DCLRE1C: variants seen among roughly 807,000 people sequenced by gnomAD.
DCLRE1C encodes DNA cross-link repair 1C.
A neutral mutation model predicts 61.4 loss-of-function variants in DCLRE1C; 47 were observed. The observed-to-expected ratio is 0.77, with a 90% CI of 0.61 to 0.98. The LOEUF (loss-of-function observed/expected upper bound fraction) is 0.98. Among genes scored for constraint, DCLRE1C ranks in the 50% least tolerant of loss-of-function variants. DCLRE1C has a pLI of 0.00. For synonymous variants in DCLRE1C, 337 were observed against 287.6 expected (o/e 1.17, Z -1.74); for missense variants, 858 against 816.0 (o/e 1.05, Z -0.63).
At chr10:14,930,995 G>A (rs180757582) in intron 9 of DCLRE1C, among the ~76,000 whole-genome samples, 1 of 152,218 alleles carries the variant, frequency 6.6e-6, no homozygotes, top group African/African-American at 2.4e-5. Flanking sequence ...GTAAGGGCTA[G>A]GCAACTAGGC....
intron 13 of DCLRE1C, among the ~76,000 whole-genome samples, chr10:14,917,499 C>A (rs1395466712): frequency 3.7e-4 from 54 of 145,070 alleles, no homozygotes; most frequent in African/African-American, 1.0e-3. Flanking sequence ...AAAAAAAAAA[C>A]AAAAAAAACT....
chr10:14,901,545 CTTT>C (rs761960859), downstream of DCLRE1C, among the ~76,000 whole-genome samples: 1 of 147,338 alleles, frequency 6.8e-6, no homozygotes. Flanking sequence ...TACTACTTGT[CTTT>C]TTTTTTTTTT....
chr10:14,914,244 C>A (rs774106580), intron 13 of DCLRE1C, among the ~76,000 whole-genome samples: 4 of 152,130 alleles, frequency 2.6e-5, no homozygotes, highest in Non-Finnish European at 5.9e-5. Context: ...TCAAATGGCT[C>A]TAGTAGATTG....
At position 14,909,212 on chromosome 10, in the gene DCLRE1C, C is replaced by T. The variant is rs1199476215; in HGVS notation, c.1275G>A (p.Gln425=). 3.1e-6 allele frequency: 5 copies of T among 1,613,964 alleles called. No homozygotes were observed. In the African/African-American group the frequency reaches 5.3e-5, roughly 17 times the overall value. Residue 425 remains glutamine, a synonymous_variant, in exon 14 of 14, where the codon CAG becomes CAA. Transcript: ENST00000378278. The stretch of plus-strand genomic sequence containing the variant: ...CTGGGGTTTGTCTCAGTTTTTCAGG[C>T]TGCTTTTCTGATACTGCAGTCATTG... ...VFSMTAVSEK[Q]PEKLRQTPGC...
intron 5 of DCLRE1C, 68 bp from the exon 6 acceptor site, chr10:14,935,632 G>A (rs990761787): frequency 6.4e-6 from 9 of 1,413,266 alleles, no homozygotes; most frequent in African/African-American, 2.8e-5. Context: ...AAATACATGT[G>A]AGCTGCATAC....
At chr10:14,924,675 C>T (rs939162172) in intron 11 of DCLRE1C, among the ~76,000 whole-genome samples, 3 of 151,808 alleles carry the variant, frequency 2.0e-5, no homozygotes, top group South Asian at 2.1e-4. Flanking sequence ...GGTGAAACCC[C>T]GTCTCTACTA....
Position 14,945,187 on chromosome 10 carries a change from A to G in DCLRE1C, c.164T>C (p.Leu55Ser). Reference sequence around the variant, plus strand: ...AGGTGAACAGTATAGATAAACCTTCAAGCTGAAAGGAAAAAAGAAAAAAAC... The same window carrying G: ...AGGTGAACAGTATAGATAAACCTTCGAGCTGAAAGGAAAAAAGAAAAAAAC... ...PTLKRRLECS[L>S]KVYLYCSPVT... The change falls in exon 3 of 14, where the codon TTG becomes TCG. Residue 55 changes from leucine to serine, a missense_variant and splice_region_variant. By Grantham distance (145) the Leu-to-Ser change is moderately radical (BLOSUM62 -2). Transcript: ENST00000378278. 6.2e-7 allele frequency: 1 copy of G among 1,612,066 alleles called. No homozygotes were observed. The highest frequency in any genetic ancestry group is 8.5e-7 in the Non-Finnish European group (1 of 1,179,094).
rs774772480 is a variant in DCLRE1C at position 14,928,018 on chromosome 10, C to T, written c.915G>A (p.Val305=). The change falls in exon 10 of 14, where the codon GTG becomes GTA. Residue 305 remains valine (V), a splice_region_variant and synonymous_variant. Coordinates refer to ENST00000378278, the MANE Select transcript of DCLRE1C (RefSeq NM_001033855.3). The part of the protein sequence containing the change: ...GERSRKTNVI[V]RTGESSYRAC... ...GACCTATGATATTGCTCTCTTACCT[C>T]ACAATTACATTTGTTTTTCTGCTCC... The T allele has an allele frequency of 9.3e-5, 150 of 1,613,622 alleles. 1 individual carries two copies. The highest frequency in any genetic ancestry group is 1.1e-4 in the Non-Finnish European group (132 of 1,179,844).
chr10:14,923,314 C>G (rs1837432932), intron 11 of DCLRE1C: 1 of 470,362 alleles, frequency 2.1e-6, no homozygotes, highest in African/African-American at 2.0e-5. Context: ...TTAAATATTC[C>G]CCAGGTGATT....
intron 13 of DCLRE1C, among the ~76,000 whole-genome samples, chr10:14,912,824 G>T (rs1404281735): frequency 6.6e-6 from 1 of 152,134 alleles, no homozygotes; most frequent in African/African-American, 2.4e-5. Context: ...TGGGACTACA[G>T]GTGCCCGCCA....
chr10:14,947,047 A>T (rs141307779), intron 2 of DCLRE1C, among the ~76,000 whole-genome samples: 4 of 151,554 alleles, frequency 2.6e-5, no homozygotes, highest in African/African-American at 4.9e-5. Flanking sequence ...CCCCATCTCT[A>T]CTGAAAAATA....
rs962805345 is a variant in DCLRE1C at position 14,905,092 on chromosome 10, T to C, written c.*3316A>G. On this transcript the variant is annotated 3_prime_UTR_variant, in exon 14 of 14. Transcript: ENST00000378278. ...GTTTTACAGTCATTTCCAGTAAGACTATAAAAGGGGCAGAAAAATACTGAT... is the reference window on the plus strand; with the variant it reads ...GTTTTACAGTCATTTCCAGTAAGACCATAAAAGGGGCAGAAAAATACTGAT... Among the ~76,000 whole-genome samples the C allele has an allele frequency of 3.3e-5, 5 of 152,222 alleles. No homozygotes were observed. The highest frequency in any genetic ancestry group is 6.5e-5 in the Admixed American group (1 of 15,284).
rs1436467191 is a variant in DCLRE1C at position 14,923,299 on chromosome 10, T to C, written c.973-230A>G. 1.0e-5 allele frequency: 5 copies of C among 502,434 alleles called. No individual in the cohort carries two copies. In the East Asian group the frequency reaches 1.8e-4, roughly 18 times the overall value. The allele number at this position is 502,434 out of a possible 1,614,324, so 31.1% of individuals were successfully genotyped here. On this transcript the variant is annotated intron_variant, in intron 11 of 13. Coordinates refer to ENST00000378278, the MANE Select transcript of DCLRE1C (RefSeq NM_001033855.3). ...GAGTACTAGTGGGCCTAGAAATCAG[T>C]ACATTTAAATATTCCCCAGGTGATT...
At chr10:14,943,102 G>C (rs371434971) in intron 3 of DCLRE1C, among the ~76,000 whole-genome samples, 2 of 152,198 alleles carry the variant, frequency 1.3e-5, no homozygotes, top group East Asian at 3.9e-4. Context: ...GCTCCAGCCT[G>C]TGACAGAGTG....
In DCLRE1C at chr10:14,918,859, G is replaced by C. The variant is rs180754287; in HGVS notation, c.1156+879C>G. Reference sequence around the variant, plus strand: ...TAGATTCTCCATGAGCAGAAATGCAGAAGCAGAGATGAGACAGGCCTAGAT... The same window carrying C: ...TAGATTCTCCATGAGCAGAAATGCACAAGCAGAGATGAGACAGGCCTAGAT... On this transcript the variant is annotated intron_variant, in intron 13 of 13. Transcript: ENST00000378278. Among the ~76,000 whole-genome samples the C allele has an allele frequency of 2.4e-4, 36 of 152,276 alleles. No individual in the cohort carries two copies. In the East Asian group the frequency reaches 4.8e-3, roughly 20 times the overall value.
At chr10:14,912,553 A>C (rs1006398546) in intron 13 of DCLRE1C, among the ~76,000 whole-genome samples, 1 of 152,226 alleles carries the variant, frequency 6.6e-6, no homozygotes, top group African/African-American at 2.4e-5. Flanking sequence ...GGATAAATAA[A>C]ATGTTGTATG....
At chr10:14,928,290 A>G in intron 9 of DCLRE1C, 138 bp from the exon 10 acceptor site, 1 of 746,088 alleles carries the variant, frequency 1.3e-6, no homozygotes, top group South Asian at 1.8e-5. Context: ...AAAACAATGT[A>G]GACATGAAGA....
At chr10:14,931,626 A>C (rs558007160) in intron 9 of DCLRE1C, among the ~76,000 whole-genome samples, 1 of 152,196 alleles carries the variant, frequency 6.6e-6, no homozygotes, top group Non-Finnish European at 1.5e-5. Flanking sequence ...CACTGGAAAC[A>C]TCCATTAGAA....
intron 5 of DCLRE1C, 92 bp downstream of exon 5, chr10:14,936,445 GC>G (rs1839935329): frequency 4.2e-6 from 4 of 962,544 alleles, no homozygotes; most frequent in South Asian, 1.4e-5. Flanking sequence ...ACTGCACCCA[GC>G]CCCCTATTAA....
Sources: allele counts gnomAD v4.1 joint callset (sites outside exome capture counted in the v4.1 genomes callset), GRCh38; gene constraint gnomAD v4.1.1; transcripts MANE v1.5; gene names NCBI Gene and HGNC (gene_info 2026-07-23, HGNC 2026-07-21).